The following ZBED3 variants were observed in gnomAD, a reference collection of about 807,000 sequenced individuals.
ZBED3 encodes the protein zinc finger BED-type containing 3.
For missense variants in ZBED3, 388 were observed against 362.9 expected (o/e 1.07, Z -0.56); for synonymous variants, 175 against 180.0 (o/e 0.97, Z 0.22).
At position 77,076,055 on chromosome 5, in the gene ZBED3, A is replaced by C. The variant is rs1267470990; in HGVS notation, c.*1119T>G. Reference sequence around the variant, plus strand: ...TATGTATATATGTATATATATATATAATATATACACACATAAAGAAAAAAA... The same window carrying C: ...TATGTATATATGTATATATATATATCATATATACACACATAAAGAAAAAAA... On this transcript the variant is annotated 3_prime_UTR_variant, in exon 3 of 3. Coordinates refer to ENST00000255198, the MANE Select transcript of ZBED3 (RefSeq NM_032367.4). 1 of 134,552 alleles carries C rather than the reference A, an allele frequency of 7.4e-6. No individual in the cohort carries two copies. Among genetic ancestry groups the C allele is most frequent in the African/African-American group, 2.8e-5 (1 of 36,164 alleles). 8.3% of individuals were successfully genotyped at this position (134,552 alleles called of 1,614,324 possible). A position where few individuals can be genotyped will look rare whatever the true frequency, so the allele number is the denominator to read the frequency against.
Position 77,077,459 on chromosome 5 carries a change from G to T in ZBED3, c.420C>A (p.Ala140=). ...CCCGCTCCCGCCGGCTGCCGCGCAC[G>T]GCCAGCGCGCCCATCTGTTCCAGCA... ...ARLLEQMGAL[A]VRGSRREREL... is the part of the protein sequence containing the mutation. The change falls in exon 3 of 3, where the codon GCC becomes GCA. Residue 140 remains alanine (A), a synonymous_variant. Transcript: ENST00000255198. The T allele has an allele frequency of 1.7e-6, 2 of 1,208,480 alleles. No individual in the cohort carries two copies. The highest frequency in any genetic ancestry group is 2.1e-6 in the Non-Finnish European group (2 of 972,920). 74.9% of individuals were successfully genotyped at this position (1,208,480 alleles called of 1,614,324 possible).
At position 77,072,611 on chromosome 5, in the gene ZBED3, G is replaced by A. The variant is rs2150738568; in HGVS notation, c.*4563C>T. On this transcript the variant is annotated 3_prime_UTR_variant, in exon 3 of 3. Transcript: ENST00000255198. ...TGGATAGATTTTTATATACCTTTGG[G>A]ATTCCTCAGATTACTTTGTAGTCAC... 2 of 152,280 alleles carry A rather than the reference G, an allele frequency of 1.3e-5. 1 individual carries two copies. The highest frequency in any genetic ancestry group is 4.1e-4 in the South Asian group (2 of 4,832). 9.4% of individuals were successfully genotyped at this position (152,280 alleles called of 1,614,324 possible).
chr5:77,078,247 C>G (rs1743065917), intron 2 of ZBED3, among the ~76,000 whole-genome samples: 1 of 151,558 alleles, frequency 6.6e-6, no homozygotes, highest in East Asian at 1.9e-4. Flanking sequence ...TCTCTGCTTT[C>G]TTAATAACAA....
At chr5:77,085,036 C>T (rs1345690069) in intron 1 of ZBED3, among the ~76,000 whole-genome samples, 1 of 152,204 alleles carries the variant, frequency 6.6e-6, no homozygotes, top group Non-Finnish European at 1.5e-5. Context: ...TGCCTCTGCA[C>T]TTGCTATAGC....
chr5:77,075,686 AT>A lies in ZBED3; in HGVS notation c.*1487del. 6.6e-6 allele frequency: 1 copy of A among 151,522 alleles called. No individual in the cohort carries two copies. The highest frequency in any genetic ancestry group is 1.5e-5 in the Non-Finnish European group (1 of 67,948). The allele number at this position is 151,522 out of a possible 1,614,324, so 9.4% of individuals were successfully genotyped here. On this transcript the variant is annotated 3_prime_UTR_variant, in exon 3 of 3. Transcript: ENST00000255198. ...TTTCAACTTTTTCTGGATGTGTGGA[AT>A]TTTTCAATATAAAAAAATAAGAAAA...
At position 77,077,174 on chromosome 5, in the gene ZBED3, C is replaced by A; in HGVS notation, c.705G>T (p.Ter235TyrextTer28). ...CTGGGGTGGGGAAGTGGCCACACCCCTACAGGAGGACCTTTGTGATGACGC... is the reference window on the plus strand; with the variant it reads ...CTGGGGTGGGGAAGTGGCCACACCCATACAGGAGGACCTTTGTGATGACGC... ...DGCVITKVLL[*>Y] Residue 235 changes from the stop codon to tyrosine, a stop_lost, in exon 3 of 3, where the codon TAG becomes TAT. Coordinates refer to ENST00000255198, the MANE Select transcript of ZBED3 (RefSeq NM_032367.4). The A allele has an allele frequency of 1.4e-6, 2 of 1,474,884 alleles. No homozygotes were observed. The highest frequency in any genetic ancestry group is 5.6e-5 in the East Asian group (2 of 35,442). The allele number at this position is 1,474,884 out of a possible 1,614,324, so 91.4% of individuals were successfully genotyped here. A position where few individuals can be genotyped will look rare whatever the true frequency, so the allele number is the denominator to read the frequency against.
rs1189235335 is a variant in ZBED3 at position 77,075,960 on chromosome 5, T to C, written c.*1214A>G. ...TTATATATACATATATATATATATA[T>C]ATATATGTATATGTATATATGTATA... On this transcript the variant is annotated 3_prime_UTR_variant, in exon 3 of 3. Coordinates refer to ENST00000255198, the MANE Select transcript of ZBED3 (RefSeq NM_032367.4). 29 of 33,036 alleles carry C rather than the reference T, an allele frequency of 8.8e-4. 4 individuals are homozygous for C. Among genetic ancestry groups the C allele is most frequent in the South Asian group, 1.7e-3 (3 of 1,780 alleles). 2.0% of individuals were successfully genotyped at this position (33,036 alleles called of 1,614,324 possible). A position where few individuals can be genotyped will look rare whatever the true frequency, so the allele number is the denominator to read the frequency against.
rs1212560828 is a variant in ZBED3 at position 77,076,609 on chromosome 5, A to T, written c.*565T>A. On this transcript the variant is annotated 3_prime_UTR_variant, in exon 3 of 3. Coordinates refer to ENST00000255198, the MANE Select transcript of ZBED3 (RefSeq NM_032367.4). ...TGAGGGCTAGAGATGATGCGGGTCT[A>T]CAGCAGTCATGGAAACTAGAGGGGA... 6.6e-6 allele frequency: 1 copy of T among 152,126 alleles called. No individual in the cohort carries two copies. The highest frequency in any genetic ancestry group is 1.5e-5 in the Non-Finnish European group (1 of 68,088). The allele number at this position is 152,126 out of a possible 1,614,324, so 9.4% of individuals were successfully genotyped here. A position where few individuals can be genotyped will look rare whatever the true frequency, so the allele number is the denominator to read the frequency against.
At chr5:77,085,439 A>T (rs1365910652) in intron 1 of ZBED3, among the ~76,000 whole-genome samples, 1 of 152,256 alleles carries the variant, frequency 6.6e-6, no homozygotes, top group East Asian at 1.9e-4. Flanking sequence ...ATAGCAGATT[A>T]ACTACACCTC....
At chr5:77,083,447 G>T (rs1342643495) in intron 1 of ZBED3, among the ~76,000 whole-genome samples, 3 of 152,180 alleles carry the variant, frequency 2.0e-5, no homozygotes, top group Admixed American at 6.5e-5. Context: ...AAGTGAACCT[G>T]ACTCTGTTTC....
chr5:77,083,695 T>C (rs1743177196), intron 1 of ZBED3, among the ~76,000 whole-genome samples: 1 of 152,210 alleles, frequency 6.6e-6, no homozygotes, highest in African/African-American at 2.4e-5. Flanking sequence ...CATCTGACAT[T>C]ATGTTATTCA....
At chr5:77,086,146 A>G (rs1015406180) in intron 1 of ZBED3, among the ~76,000 whole-genome samples, 3 of 152,238 alleles carry the variant, frequency 2.0e-5, no homozygotes, top group African/African-American at 7.2e-5. Context: ...ATATGGTCCT[A>G]AAGATTAAGG....
chr5:77,086,139 T>C (rs79499344), intron 1 of ZBED3, among the ~76,000 whole-genome samples: 2,410 of 152,352 alleles, frequency 0.016, 32 homozygotes, highest in Middle Eastern at 0.068. Context: ...TTAATAGATA[T>C]GGTCCTAAAG....
At chr5:77,083,159 A>G (rs116179493) in intron 1 of ZBED3, among the ~76,000 whole-genome samples, 2,400 of 152,264 alleles carry the variant, frequency 0.016, 60 homozygotes, top group African/African-American at 0.054. Flanking sequence ...AAACAAAAAC[A>G]AAAAAGCAAA....
Position 77,073,076 on chromosome 5 carries a change from G to C in ZBED3, c.*4098C>G, listed in dbSNP as rs1742913520. ...CTGAATGCTGAAGGAGAGGAATGTTGTCTACAAACAAAATTTTTTTATCAT... is the reference window on the plus strand; with the variant it reads ...CTGAATGCTGAAGGAGAGGAATGTTCTCTACAAACAAAATTTTTTTATCAT... On this transcript the variant is annotated 3_prime_UTR_variant, in exon 3 of 3. Transcript: ENST00000255198. The C allele has an allele frequency of 6.9e-6, 1 of 145,384 alleles. No individual in the cohort carries two copies. The highest frequency in any genetic ancestry group is 2.7e-5 in the African/African-American group (1 of 36,440). The allele number at this position is 145,384 out of a possible 1,614,324, so 9.0% of individuals were successfully genotyped here.
Position 77,077,390 on chromosome 5 carries a change from G to A in ZBED3, c.489C>T (p.Ala163=), listed in dbSNP as rs1306766474. Residue 163 remains alanine, a synonymous_variant, in exon 3 of 3, where the codon GCC becomes GCT. Coordinates refer to ENST00000255198, the MANE Select transcript of ZBED3 (RefSeq NM_032367.4). The stretch of plus-strand genomic sequence containing the variant: ...GCAGCGCCCTCCGCCTCCGCTCCAG[G>A]GCGCGCTCGCCCTGCTCCACGGCCA... ...RELAVEQGER[A]LERRRRALQE... The A allele has an allele frequency of 3.3e-5, 41 of 1,251,354 alleles. No individual in the cohort carries two copies. The highest frequency in any genetic ancestry group is 4.0e-5 in the Non-Finnish European group (40 of 998,576). 77.5% of individuals were successfully genotyped at this position (1,251,354 alleles called of 1,614,324 possible). A position where few individuals can be genotyped will look rare whatever the true frequency, so the allele number is the denominator to read the frequency against.
chr5:77,077,382 CGCTCCAGGGCGCGCTCGCCCT>C lies in ZBED3; in HGVS notation c.476_496del (p.Gln159_Glu165del). ...TTCCTCCTGCAGCGCCCTCCGCCTCCGCTCCAGGGCGCGCTCGCCCTGCTCCACGGCCAGCTCGCGCCGCTC... is the reference window on the plus strand; with the variant it reads ...TTCCTCCTGCAGCGCCCTCCGCCTCCGCTCCACGGCCAGCTCGCGCCGCTC... On this transcript the variant is annotated inframe_deletion, in exon 3 of 3. Coordinates refer to ENST00000255198, the MANE Select transcript of ZBED3 (RefSeq NM_032367.4). 1 of 1,251,020 alleles carries C rather than the reference CGCTCCAGGGCGCGCTCGCCCT, an allele frequency of 8.0e-7. No individual in the cohort carries two copies. Among genetic ancestry groups the C allele is most frequent in the Non-Finnish European group, 1.0e-6 (1 of 998,630 alleles). 77.5% of individuals were successfully genotyped at this position (1,251,020 alleles called of 1,614,324 possible).
At position 77,076,009 on chromosome 5, in the gene ZBED3, A is replaced by G. The variant is rs867245618; in HGVS notation, c.*1165T>C. The G allele has an allele frequency of 2.1e-4, 19 of 89,278 alleles. 3 individuals are homozygous for G. The highest frequency in any genetic ancestry group is 6.5e-4 in the African/African-American group (15 of 23,098). 5.5% of individuals were successfully genotyped at this position (89,278 alleles called of 1,614,324 possible). A position where few individuals can be genotyped will look rare whatever the true frequency, so the allele number is the denominator to read the frequency against. On this transcript the variant is annotated 3_prime_UTR_variant, in exon 3 of 3. Coordinates refer to ENST00000255198, the MANE Select transcript of ZBED3 (RefSeq NM_032367.4). ...TATATATATGTATATATGTATATAT[A>G]TATGTATATATGTATATATATATGT...
Position 77,077,297 on chromosome 5 carries a change from CGCCTGCAGCGCCTCCCGCTCG to C in ZBED3, c.561_581del (p.Glu188_Ala194del). The C allele has an allele frequency of 7.5e-6, 10 of 1,338,602 alleles. No individual in the cohort carries two copies. The highest frequency in any genetic ancestry group is 9.5e-6 in the Non-Finnish European group (10 of 1,049,560). 82.9% of individuals were successfully genotyped at this position (1,338,602 alleles called of 1,614,324 possible). On this transcript the variant is annotated inframe_deletion, in exon 3 of 3. Transcript: ENST00000255198. ...CACGGCGGCTCACATCCCGCAGCCG[CGCCTGCAGCGCCTCCCGCTCG>C]GCCTGCAGTTCCCGGCGCGCCTGGG...
Sources: allele counts gnomAD v4.1 joint callset (sites outside exome capture counted in the v4.1 genomes callset), GRCh38; gene constraint gnomAD v4.1.1; transcripts MANE v1.5; gene names NCBI Gene and HGNC (gene_info 2026-07-23, HGNC 2026-07-21).